Variants in LGALS9B observed in about 807,000 individuals in gnomAD.
The protein encoded by LGALS9B is galectin 9B.
A neutral mutation model predicts 35.9 loss-of-function variants in LGALS9B; 8 were observed. That is an observed-to-expected ratio of 0.22 (90% CI 0.13 to 0.40). The LOEUF (loss-of-function observed/expected upper bound fraction) is 0.40, where lower values mean the gene tolerates loss of function less well. Among genes scored for constraint, LGALS9B ranks in the 10% least tolerant of loss-of-function variants. The pLI is 1.00. For missense variants in LGALS9B, 101 were observed against 397.9 expected, an observed-to-expected ratio of 0.25 and a Z score of 6.35; for synonymous variants, 42 against 148.6, an observed-to-expected ratio of 0.28 and a Z score of 5.22.
intron 1 of LGALS9B, among the ~76,000 whole-genome samples, chr17:20,461,308 T>C (rs1373343175): frequency 2.7e-5 from 4 of 149,420 alleles, no homozygotes; most frequent in Non-Finnish European, 6.0e-5. Flanking sequence ...TAGGAAGGTG[T>C]TTCTCCTACT....
rs753657396 is a variant in LGALS9B, at chr17:20,460,385, A to G, written c.98T>C (p.Val33Ala). 14 of 1,601,822 alleles carry G rather than the reference A, an allele frequency of 8.7e-6. No homozygotes were observed. In the South Asian group the frequency reaches 1.5e-4, roughly 18 times the overall value. The change falls in exon 2 of 11, where the codon GTC (valine) becomes GCC (alanine). Residue 33 changes from valine to alanine, a missense_variant. Transcript: ENST00000423676. ...ACTGGAGCTGAGAACGGCCCCATTG[A>G]CAGTGATCTGAAATCCGTCCTGGAG... ...GGLQDGFQIT[V>A]NGAVLSSSGT...
chr17:20,456,208 TTGTC>T (rs1247560161), intron 4 of LGALS9B, among the ~76,000 whole-genome samples: 1 of 151,852 alleles, frequency 6.6e-6, no homozygotes, highest in Non-Finnish European at 1.5e-5. Flanking sequence ...GCAAAGTTGC[TTGTC>T]TAAGATCCCA....
chr17:20,464,097 T>G (rs79533832), intron 1 of LGALS9B, among the ~76,000 whole-genome samples: 43,567 of 89,648 alleles, frequency 0.49, 10,125 homozygotes, highest in Non-Finnish European at 0.58. Context: ...TGTTGTGTTT[T>G]TTTTTTTTTT....
chr17:20,451,726 C>G (rs1687498296), intron 9 of LGALS9B, 69 bp downstream of exon 9: 1 of 1,323,970 alleles, frequency 7.6e-7, no homozygotes, highest in Admixed American at 2.1e-5. Context: ...CTGCCAAAAG[C>G]CAGGGGAATG....
intron 5 of LGALS9B, among the ~76,000 whole-genome samples, chr17:20,454,562 C>T (rs1321645670): frequency 9.5e-5 from 14 of 147,834 alleles, no homozygotes; most frequent in African/African-American, 3.2e-4. Context: ...GGGACAGACA[C>T]GCAAACAGTT....
chr17:20,461,032 A>C (rs2042725735), intron 1 of LGALS9B, among the ~76,000 whole-genome samples: 1 of 58,434 alleles, frequency 1.7e-5, no homozygotes, highest in Non-Finnish European at 4.0e-5. Flanking sequence ...CCTCCTGACC[A>C]CCTTCAGCAG....
At chr17:20,467,212 C>G (rs1472495096) in intron 1 of LGALS9B, among the ~76,000 whole-genome samples, 1 of 144,650 alleles carries the variant, frequency 6.9e-6, no homozygotes, top group East Asian at 2.0e-4. Flanking sequence ...CCAACACTGT[C>G]AAACCCATGA....
chr17:20,454,458 T>A (rs1476253966), intron 5 of LGALS9B, among the ~76,000 whole-genome samples: 2 of 152,092 alleles, frequency 1.3e-5, no homozygotes, highest in Non-Finnish European at 2.9e-5. Context: ...ATTCTTCGAG[T>A]CCCTAGTGAG....
chr17:20,452,740 TG>T, intron 7 of LGALS9B, among the ~76,000 whole-genome samples: 1 of 90,154 alleles, frequency 1.1e-5, no homozygotes, highest in South Asian at 2.8e-4. Context: ...CACATCTGGG[TG>T]CTGGGGCCAC....
At chr17:20,452,724 G>C (rs1253622270) in intron 7 of LGALS9B, among the ~76,000 whole-genome samples, 1 of 91,606 alleles carries the variant, frequency 1.1e-5, no homozygotes, top group Admixed American at 1.1e-4. Flanking sequence ...GCAGGGCCAG[G>C]AACCTCACAT....
In LGALS9B at chr17:20,455,491, C is replaced by A. The variant is rs1447363960; in HGVS notation, c.445-93G>T. 2.1e-4 allele frequency: 232 copies of A among 1,080,368 alleles called. 24 individuals are homozygous for A. The South Asian group carries it at 2.9e-3, about 14-fold the overall frequency. The allele number at this position is 1,080,368 out of a possible 1,614,324, so 66.9% of individuals were successfully genotyped here. A position where few individuals can be genotyped will look rare whatever the true frequency, so the allele number is the denominator to read the frequency against. ...AGATGCAGGGGCAGGAGGCAGAGAA[C>A]AGGCAGGCAGGGGGATGCAGCAAGG... On this transcript the variant is annotated intron_variant, in intron 4 of 10. Coordinates refer to ENST00000423676, the MANE Select transcript of LGALS9B (RefSeq NM_001367292.2).
chr17:20,467,289 C>G (rs1424360467), intron 1 of LGALS9B, 143 bp downstream of exon 1: 4 of 604,570 alleles, frequency 6.6e-6, no homozygotes, highest in Non-Finnish European at 1.2e-5. Flanking sequence ...CAGGACGACC[C>G]CCACTGACAT....
rs568658049 is a variant in LGALS9B, at chr17:20,455,354, C to T, written c.489G>A (p.Pro163=). The change falls in exon 5 of 11, where the codon CCG becomes CCA. Residue 163 remains proline (P), a synonymous_variant. Transcript: ENST00000423676. The part of the protein sequence containing the change: ...VPVQPAFSTV[P]FSQPVCFPPR... ...GTGGGAAACAGACAGGCTGGGAGAA[C>T]GGCACCGTGGAGAAGGCAGGCTGAA... 4.4e-6 allele frequency: 6 copies of T among 1,355,204 alleles called. 1 individual carries two copies. Among genetic ancestry groups the T allele is most frequent in the East Asian group, 2.3e-5 (1 of 43,862 alleles). 83.9% of individuals were successfully genotyped at this position (1,355,204 alleles called of 1,614,324 possible). A position where few individuals can be genotyped will look rare whatever the true frequency, so the allele number is the denominator to read the frequency against.
intron 1 of LGALS9B, among the ~76,000 whole-genome samples, chr17:20,464,091 G>GTGTT (rs1273626942): frequency 3.0e-5 from 3 of 100,148 alleles, no homozygotes; most frequent in Admixed American, 9.5e-5. Flanking sequence ...TTTGTTTGTT[G>GTGTT]TGTTTTTTTT....
rs2042702955 is a variant in LGALS9B at position 20,458,276 on chromosome 17, T to A, written c.240A>T (p.Gly80=). The A allele has an allele frequency of 6.2e-7, 1 of 1,614,006 alleles. No individual in the cohort carries two copies. ...TCTTCCTCTCCTCGGGCCCCCATCT[T>A]CCTTTCTGCCTCGTGTTGCACACCA... ...GYVVCNTRQK[G]RWGPEERKMH... is the part of the protein sequence containing the mutation. Residue 80 remains glycine (G), a synonymous_variant, in exon 3 of 11, where the codon GGA becomes GGT. Transcript: ENST00000423676.
chr17:20,464,249 C>A (rs1217715796), intron 1 of LGALS9B, among the ~76,000 whole-genome samples: 1 of 150,320 alleles, frequency 6.7e-6, no homozygotes, highest in African/African-American at 2.5e-5. Flanking sequence ...CAGGCATGCA[C>A]CACCATGCCT....
In LGALS9B at chr17:20,467,418, G is replaced by A. The variant is rs764119807; in HGVS notation, c.39+14C>T. 6.1e-5 allele frequency: 39 copies of A among 640,734 alleles called. No homozygotes were observed. In the African/African-American group the frequency reaches 9.9e-4, roughly 16 times the overall value. The allele number at this position is 640,734 out of a possible 1,614,324, so 39.7% of individuals were successfully genotyped here. A position where few individuals can be genotyped will look rare whatever the true frequency, so the allele number is the denominator to read the frequency against. Reference sequence around the variant, plus strand: ...TGGCTGAGGCAGCCCTGTGCCCACGGCCCTGGAACTCACTGGGCTCAGATA... The same window carrying A: ...TGGCTGAGGCAGCCCTGTGCCCACGACCCTGGAACTCACTGGGCTCAGATA... On this transcript the variant is annotated intron_variant, in intron 1 of 10. Transcript: ENST00000423676.
rs368966656 is a variant in LGALS9B, at chr17:20,458,322, C to T, written c.194G>A (p.Arg65Gln). 19 of 1,613,460 alleles carry T rather than the reference C, an allele frequency of 1.2e-5. No individual in the cohort carries two copies. The highest frequency in any genetic ancestry group is 1.5e-5 in the Non-Finnish European group (18 of 1,179,808). The change falls in exon 3 of 11, where the codon CGG (arginine) becomes CAG (glutamine). Residue 65 changes from arginine to glutamine, a missense_variant. Transcript: ENST00000423676. The stretch of plus-strand genomic sequence containing the variant: ...CACCACATACCCTCCGTCTTCAAAC[C>T]GAGGGTTGAAGTGGAAGGCAATGTC... ...GNDIAFHFNP[R>Q]FEDGGYVVCN...
At position 20,449,749 on chromosome 17, in the gene LGALS9B, T is replaced by A; in HGVS notation, c.*224A>T. On this transcript the variant is annotated 3_prime_UTR_variant, in exon 11 of 11. Transcript: ENST00000423676. ...TCTGGGATTGTAGGATTCCAGCAGC[T>A]GGCGCCCCAGGTGCTGCTGCGGCTG... 5.8e-6 allele frequency: 2 copies of A among 343,556 alleles called. 1 individual carries two copies. The highest frequency in any genetic ancestry group is 4.9e-5 in the South Asian group (2 of 40,464). 21.3% of individuals were successfully genotyped at this position (343,556 alleles called of 1,614,324 possible).
Sources: gnomAD v4.1 joint callset for allele counts (sites outside exome capture counted in the v4.1 genomes callset) on GRCh38, gnomAD v4.1.1 for gene constraint, MANE v1.5 for transcripts, NCBI Gene and HGNC (gene_info 2026-07-23, HGNC 2026-07-21) for gene names.